Variants in LRTM3 observed in about 807,000 individuals in gnomAD.
LRTM3 encodes the protein leucine-rich repeat transmembrane protein 3.
At chr13:102,736,860 T>G in the LRTM3 span, 7 of 1,551,070 alleles carry the variant, frequency 4.5e-6, no homozygotes, top group South Asian at 8.3e-5. Context: ...TATGACAATG[T>G]ATATTTTAAT....
At chr13:102,758,317 T>C in the LRTM3 span, 1 of 768,024 alleles carries the variant, frequency 1.3e-6, no homozygotes, top group African/African-American at 1.7e-5. Context: ...AGGAAAACCC[T>C]TCTCTGAAAT....
At chr13:102,746,483 C>T in the LRTM3 span, 4 of 1,550,942 alleles carry the variant, frequency 2.6e-6, no homozygotes, top group Non-Finnish European at 3.5e-6. Context: ...AGGTACCAAT[C>T]CTTTAGTTTG....
At chr13:102,745,077 G>C in the LRTM3 span, 10 of 1,550,724 alleles carry the variant, frequency 6.4e-6, no homozygotes, top group Non-Finnish European at 8.7e-6. Context: ...CTTTGTATTG[G>C]CTCTGCAGGC....
the LRTM3 span, chr13:102,730,263 G>C: frequency 6.4e-7 from 1 of 1,551,340 alleles, no homozygotes; most frequent in South Asian, 1.2e-5. Context: ...AATTCAAATA[G>C]AATGTTTTCT....
the LRTM3 span, chr13:102,744,584 A>G: frequency 1.9e-6 from 3 of 1,550,294 alleles, no homozygotes; most frequent in Non-Finnish European, 2.6e-6. Flanking sequence ...TGTTTTTTGC[A>G]CTATGTGAGA....
chr13:102,747,454 T>C, the LRTM3 span: 1 of 1,549,076 alleles, frequency 6.5e-7, no homozygotes, highest in South Asian at 1.2e-5. Flanking sequence ...TGAGTACACT[T>C]TTTGTTTCTG....
the LRTM3 span, chr13:102,740,951 A>T: frequency 6.5e-7 from 1 of 1,550,178 alleles, no homozygotes; most frequent in Non-Finnish European, 8.7e-7. Context: ...TTTAATATTC[A>T]AATGTATTCC....
the LRTM3 span, chr13:102,729,940 A>G: frequency 3.9e-6 from 6 of 1,551,792 alleles, no homozygotes; most frequent in Non-Finnish European, 5.2e-6. Flanking sequence ...TATTTGATTC[A>G]GTTAAGGGAG....
chr13:102,745,518 C>T, the LRTM3 span: 2 of 1,551,006 alleles, frequency 1.3e-6, no homozygotes, highest in Admixed American at 3.9e-5. Flanking sequence ...TTCGGACCAG[C>T]ACCAGCCCTG....
At chr13:102,756,305 T>C in the LRTM3 span, among the ~76,000 whole-genome samples, 1 of 102,190 alleles carries the variant, frequency 9.8e-6, no homozygotes, top group Admixed American at 1.1e-4. Context: ...TTCTAATCCT[T>C]AGTTCGAAAA....
chr13:102,739,265 A>G, the LRTM3 span: 2 of 1,550,248 alleles, frequency 1.3e-6, no homozygotes, highest in Non-Finnish European at 8.7e-7. Context: ...TTTCAAAGTG[A>G]TACATTTGAG....
the LRTM3 span, chr13:102,742,966 A>T: frequency 6.5e-7 from 1 of 1,542,016 alleles, no homozygotes; most frequent in East Asian, 2.5e-5. Flanking sequence ...TTTCTTTTCC[A>T]TTTTTGTTTT....
chr13:102,739,168 A>G, the LRTM3 span: 1 of 1,549,904 alleles, frequency 6.5e-7, no homozygotes, highest in Non-Finnish European at 8.7e-7. Context: ...GATTACTTTC[A>G]TCTTCCTGCG....
At chr13:102,742,164 C>T in the LRTM3 span, 1 of 1,550,480 alleles carries the variant, frequency 6.4e-7, no homozygotes, top group Admixed American at 2.0e-5. Context: ...ACTCGATGTA[C>T]TGCATTTTTA....
At chr13:102,732,776 CTGTT>C in the LRTM3 span, 1 of 1,551,338 alleles carries the variant, frequency 6.4e-7, no homozygotes, top group Non-Finnish European at 8.7e-7. Context: ...ATGTAAAGCT[CTGTT>C]TGTGCCTATT....
At chr13:102,733,292 A>G in the LRTM3 span, 1 of 1,551,298 alleles carries the variant, frequency 6.4e-7, no homozygotes, top group Non-Finnish European at 8.7e-7. Context: ...CTGTGGTGCT[A>G]ACACTTTGGG....
chr13:102,735,489 G>C, the LRTM3 span: 1 of 1,551,258 alleles, frequency 6.4e-7, no homozygotes, highest in South Asian at 1.2e-5. Flanking sequence ...ATGCTTGGCA[G>C]TCCTTTAACT....
the LRTM3 span, chr13:102,741,692 T>C: frequency 6.4e-7 from 1 of 1,550,410 alleles, no homozygotes; most frequent in South Asian, 1.2e-5. Context: ...AAAAAATATA[T>C]TCTGTCCTTT....
At chr13:102,736,892 A>T in the LRTM3 span, 1 of 1,551,180 alleles carries the variant, frequency 6.4e-7, no homozygotes, top group Admixed American at 2.0e-5. Flanking sequence ...TGATGATTCC[A>T]TGTGCCATGA....
Sources: allele counts gnomAD v4.1 joint callset (sites outside exome capture counted in the v4.1 genomes callset), GRCh38; gene constraint gnomAD v4.1.1; transcripts MANE v1.5; gene names NCBI Gene and HGNC (gene_info 2026-07-23, HGNC 2026-07-21).